Variants in PCDHA9 observed in about 807,000 individuals in gnomAD.
The protein encoded by PCDHA9 is protocadherin alpha 9.
In PCDHA9, 62 loss-of-function variants were observed where a neutral mutation model predicts 62.0. The observed-to-expected ratio is 1.00, with a 90% CI of 0.81 to 1.23. The LOEUF (loss-of-function observed/expected upper bound fraction) is 1.23. PCDHA9 is among the 50% of genes most tolerant of loss of function. The pLI, the probability that PCDHA9 is intolerant of heterozygous loss-of-function variation, is 0.00. For synonymous variants in PCDHA9, 557 were observed against 567.6 expected, an observed-to-expected ratio of 0.98 and a Z score of 0.27; for missense variants, 1,205 against 1,249.8, an observed-to-expected ratio of 0.96 and a Z score of 0.54.
intron 1 of PCDHA9, among the ~76,000 whole-genome samples, chr5:140,932,642 T>G (rs2088501803): frequency 6.6e-6 from 1 of 151,860 alleles, no homozygotes. Context: ...AACTTTAGAA[T>G]GATGAAACTA....
In PCDHA9 at chr5:140,882,793, C is replaced by A. The variant is rs1176435531; in HGVS notation, c.2394+31904C>A. 2.5e-6 allele frequency: 4 copies of A among 1,614,092 alleles called. No individual in the cohort carries two copies. In the Admixed American group the frequency reaches 6.7e-5, roughly 27 times the overall value. On this transcript the variant is annotated intron_variant, in intron 1 of 3. Coordinates refer to ENST00000532602, the MANE Select transcript of PCDHA9 (RefSeq NM_031857.2). ...CATTGACCTACCGACTGGATCCCAA[C>A]GATTATTTCACTTTGGACGCACAAA... is the stretch of plus-strand genomic sequence containing the variant.
chr5:140,852,012 T>C (rs2042217314), intron 1 of PCDHA9: 1 of 965,684 alleles, frequency 1.0e-6, no homozygotes, highest in East Asian at 1.1e-4. Context: ...TAATTTATAG[T>C]TTTAAAAACT....
At chr5:141,002,726 A>C (rs1488452359) in intron 3 of PCDHA9, among the ~76,000 whole-genome samples, 1 of 152,250 alleles carries the variant, frequency 6.6e-6, no homozygotes, top group Non-Finnish European at 1.5e-5. Context: ...GGAAGGGCAC[A>C]GTAAATGTTA....
chr5:140,861,346 C>T (rs2046871504), intron 1 of PCDHA9: 2 of 294,962 alleles, frequency 6.8e-6, no homozygotes, highest in South Asian at 3.7e-5. Context: ...AGGCCAAGGA[C>T]GGCACATAGC....
intron 1 of PCDHA9, among the ~76,000 whole-genome samples, chr5:140,910,929 A>G (rs2075237197): frequency 6.6e-6 from 1 of 152,176 alleles, no homozygotes; most frequent in Admixed American, 6.5e-5. Flanking sequence ...TATAAATAAG[A>G]AAGCTCAAGC....
intron 1 of PCDHA9, chr5:140,969,304 C>A (rs782271875): frequency 9.3e-6 from 15 of 1,614,042 alleles, no homozygotes; most frequent in African/African-American, 1.3e-5. Flanking sequence ...TGATTATTCT[C>A]AAAAATGAGG....
intron 1 of PCDHA9, among the ~76,000 whole-genome samples, chr5:140,948,536 C>T (rs2094269261): frequency 6.6e-6 from 1 of 151,548 alleles, no homozygotes; most frequent in Admixed American, 6.6e-5. Context: ...TATTTTATTT[C>T]ATGCTCTGTC....
At chr5:140,941,185 CTTTT>C (rs782102770) in intron 1 of PCDHA9, among the ~76,000 whole-genome samples, 59 of 102,236 alleles carry the variant, frequency 5.8e-4, no homozygotes, top group South Asian at 3.1e-3. Context: ...CATCCTGCTT[CTTTT>C]TTTTTCTTTC....
At chr5:141,009,262 C>T (rs2098403740) in intron 3 of PCDHA9, among the ~76,000 whole-genome samples, 2 of 152,112 alleles carry the variant, frequency 1.3e-5, no homozygotes, top group Non-Finnish European at 2.9e-5. Flanking sequence ...TGAGACCAGC[C>T]TGGGCAACAT....
chr5:140,910,858 T>C (rs947258615), intron 1 of PCDHA9, among the ~76,000 whole-genome samples: 3 of 152,190 alleles, frequency 2.0e-5, no homozygotes, highest in Non-Finnish European at 4.4e-5. Context: ...CTATGTTCCA[T>C]CCACCATTAT....
At chr5:140,898,900 C>T (rs1257410263) in intron 1 of PCDHA9, among the ~76,000 whole-genome samples, 2 of 151,396 alleles carry the variant, frequency 1.3e-5, no homozygotes, top group Non-Finnish European at 3.0e-5. Context: ...TGAAGAGGTC[C>T]TTCACGTCCC....
chr5:140,861,487 G>A, intron 1 of PCDHA9: 1 of 490,310 alleles, frequency 2.0e-6, no homozygotes, highest in Non-Finnish European at 4.2e-6. Context: ...ATTTTTGTGA[G>A]TTCTCTGATA....
intron 1 of PCDHA9, chr5:140,966,810 G>C (rs1290992432): frequency 3.2e-6 from 5 of 1,548,566 alleles, no homozygotes; most frequent in Non-Finnish European, 4.3e-6. Context: ...GAGCATCCAC[G>C]GCTCCGGCGG....
At chr5:140,869,163 C>T in intron 1 of PCDHA9, 1 of 1,613,910 alleles carries the variant, frequency 6.2e-7, no homozygotes, top group Non-Finnish European at 8.5e-7. Flanking sequence ...GGCTTCTCCT[C>T]CTCGAATTCT....
chr5:140,871,999 T>C (rs116431688), intron 1 of PCDHA9, among the ~76,000 whole-genome samples: 316 of 152,330 alleles, frequency 2.1e-3, no homozygotes, highest in African/African-American at 7.4e-3. Flanking sequence ...CAGTGGCTAT[T>C]TACAGGTGAC....
At chr5:140,871,533 G>A in intron 1 of PCDHA9, 2 of 1,516,446 alleles carry the variant, frequency 1.3e-6, no homozygotes, top group South Asian at 1.3e-5. Context: ...GGAAGTGTAT[G>A]TGAAATTATT....
chr5:140,907,616 GCT>G (rs1554193070), intron 1 of PCDHA9, among the ~76,000 whole-genome samples: 1 of 152,216 alleles, frequency 6.6e-6, no homozygotes, highest in Non-Finnish European at 1.5e-5. Context: ...CATATCAAGG[GCT>G]CAGTGTTGGT....
chr5:140,849,996 G>T lies in PCDHA9; in HGVS notation c.1501G>T (p.Glu501Ter), dbSNP rs2150462323. ...SYSLVERRLG[E>*]RSLSSYVSVH... ...CTCGCTGGTGGAGCGGCGGTTGGGC[G>T]AGCGCTCGCTGTCGAGCTACGTGTC... The change falls in exon 1 of 4, where the codon GAG becomes TAG. Residue 501 changes from glutamate (E) to a stop codon, truncating the protein, a stop_gained. Coordinates refer to ENST00000532602, the MANE Select transcript of PCDHA9 (RefSeq NM_031857.2). LOFTEE classifies it high-confidence loss of function. 6.3e-7 allele frequency: 1 copy of T among 1,597,124 alleles called. No homozygotes were observed. Among genetic ancestry groups the T allele is most frequent in the East Asian group, 2.2e-5 (1 of 44,854 alleles).
chr5:140,903,273 T>G (rs1213268192), intron 1 of PCDHA9, among the ~76,000 whole-genome samples: 2 of 152,228 alleles, frequency 1.3e-5, no homozygotes, highest in Non-Finnish European at 2.9e-5. Flanking sequence ...AGTGAGGTAG[T>G]GTCTCATTGT....
Sources: gnomAD v4.1 joint callset for allele counts (sites outside exome capture counted in the v4.1 genomes callset) on GRCh38, gnomAD v4.1.1 for gene constraint, MANE v1.5 for transcripts, NCBI Gene and HGNC (gene_info 2026-07-23, HGNC 2026-07-21) for gene names.